Variants in KCNMA1 observed in about 807,000 individuals in gnomAD.
The protein encoded by KCNMA1 is potassium calcium-activated channel subfamily M alpha 1.
Under a neutral mutation model 140.0 loss-of-function variants are expected in KCNMA1, and 29 were observed. That is an observed-to-expected ratio of 0.21 (90% CI 0.15 to 0.28). The LOEUF is 0.28. KCNMA1 is among the 10% of genes least tolerant of loss of function. KCNMA1 has a pLI of 1.00. For synonymous variants in KCNMA1, 612 were observed against 611.9 expected (o/e 1.00, Z 0.00); for missense variants, 880 against 1,602.2 (o/e 0.55, Z 7.70).
chr10:77,618,790 T>C lies in KCNMA1; in HGVS notation c.378+18475A>G, dbSNP rs183648193. On this transcript the variant is annotated intron_variant, in intron 1 of 27. Coordinates refer to ENST00000286628, the MANE Select transcript of KCNMA1 (RefSeq NM_001161352.2). ...AGCCAGGGCAGGAATATTTATACCA[T>C]AGGAATTGACGAACACCGTACATAG... Among the ~76,000 whole-genome samples, 14 of 152,268 alleles carry C rather than the reference T, an allele frequency of 9.2e-5. No homozygotes were observed. In the East Asian group the frequency reaches 1.7e-3, roughly 19 times the overall value.
chr10:77,033,671 G>A (rs370533264), intron 15 of KCNMA1, among the ~76,000 whole-genome samples: 13 of 152,098 alleles, frequency 8.5e-5, no homozygotes, highest in East Asian at 1.9e-4. Flanking sequence ...AAGCCCAAGC[G>A]TCCACCCCAT....
intron 3 of KCNMA1, among the ~76,000 whole-genome samples, chr10:77,212,268 T>TA (rs1228808615): frequency 3.9e-5 from 6 of 152,086 alleles, no homozygotes; most frequent in Non-Finnish European, 8.8e-5. Context: ...TAAAAAGCCA[T>TA]AAAAAAGGGT....
intron 2 of KCNMA1, among the ~76,000 whole-genome samples, chr10:77,260,648 G>T (rs2061761688): frequency 6.6e-6 from 1 of 152,198 alleles, no homozygotes; most frequent in Non-Finnish European, 1.5e-5. Context: ...GGTGGAGGTT[G>T]CAGTGAGCTG....
intron 1 of KCNMA1, among the ~76,000 whole-genome samples, chr10:77,479,737 T>C (rs1269130653): frequency 5.9e-5 from 9 of 152,178 alleles, no homozygotes; most frequent in African/African-American, 2.2e-4. Flanking sequence ...CCCCGGCTGG[T>C]CATTCGTTCC....
chr10:77,053,379 C>T (rs534814961), intron 14 of KCNMA1, among the ~76,000 whole-genome samples: 1 of 152,182 alleles, frequency 6.6e-6, no homozygotes, highest in Non-Finnish European at 1.5e-5. Context: ...CTGGGAAAAA[C>T]CAGACAGATG....
intron 1 of KCNMA1, among the ~76,000 whole-genome samples, chr10:77,510,475 C>T (rs1269195338): frequency 1.3e-5 from 2 of 152,126 alleles, no homozygotes; most frequent in Non-Finnish European, 2.9e-5. Flanking sequence ...AAACATAGTC[C>T]TGTTCTCTTC....
chr10:77,001,102 A>G (rs2086280845), intron 19 of KCNMA1, among the ~76,000 whole-genome samples: 1 of 152,000 alleles, frequency 6.6e-6, no homozygotes, highest in East Asian at 1.9e-4. Flanking sequence ...AGTAGGTGAT[A>G]TGCTGTCACT....
At chr10:77,425,175 G>A (rs1370009989) in intron 1 of KCNMA1, among the ~76,000 whole-genome samples, 2 of 152,110 alleles carry the variant, frequency 1.3e-5, no homozygotes, top group East Asian at 3.9e-4. Context: ...GTATTGGCAG[G>A]CTGGTGGCAG....
chr10:77,365,599 A>G (rs1387175228), intron 2 of KCNMA1, among the ~76,000 whole-genome samples: 2 of 152,134 alleles, frequency 1.3e-5, no homozygotes, highest in Non-Finnish European at 1.5e-5. Flanking sequence ...TCCCTTCACT[A>G]TGTATCAGAA....
At chr10:77,107,735 T>A (rs1265625957) in intron 9 of KCNMA1, among the ~76,000 whole-genome samples, 1 of 152,200 alleles carries the variant, frequency 6.6e-6, no homozygotes, top group Non-Finnish European at 1.5e-5. Flanking sequence ...ACCAGAAATA[T>A]ACTATTTCTT....
intron 14 of KCNMA1, chr10:77,063,736 A>G: frequency 1.0e-5 from 10 of 985,322 alleles, no homozygotes; most frequent in Non-Finnish European, 1.2e-5. Flanking sequence ...TTCATGTAAC[A>G]ATCACTAACA....
At position 76,970,329 on chromosome 10, in the gene KCNMA1, GAA is replaced by G. The variant is rs10563488; in HGVS notation, c.2267-264_2267-263del. 0.19 allele frequency: 35,630 copies of G among 185,948 alleles called. 3,052 individuals are homozygous for G. Among genetic ancestry groups the G allele is most frequent in the East Asian group, 0.34 (2,841 of 8,366 alleles). 11.5% of individuals were successfully genotyped at this position (185,948 alleles called of 1,614,324 possible). A position where few individuals can be genotyped will look rare whatever the true frequency, so the allele number is the denominator to read the frequency against. ...ACAGTTTGTAAACACCCTGCCATAA[GAA>G]AAAAAAAAAAAAAAAAGAAATCATG... On this transcript the variant is annotated intron_variant, in intron 19 of 27. Coordinates refer to ENST00000286628, the MANE Select transcript of KCNMA1 (RefSeq NM_001161352.2).
intron 24 of KCNMA1, chr10:76,914,244 C>A: frequency 1.2e-6 from 1 of 801,928 alleles, no homozygotes; most frequent in South Asian, 1.6e-5. Context: ...TAAAGGGACC[C>A]CGGACCACAG....
chr10:77,403,453 T>A (rs549678685), intron 2 of KCNMA1, among the ~76,000 whole-genome samples: 3 of 151,664 alleles, frequency 2.0e-5, no homozygotes, highest in Non-Finnish European at 4.4e-5. Context: ...AAGAAGAACA[T>A]CCCCCGAAGA....
intron 1 of KCNMA1, among the ~76,000 whole-genome samples, chr10:77,586,682 C>T (rs1457799567): frequency 6.6e-6 from 1 of 152,086 alleles, no homozygotes; most frequent in African/African-American, 2.4e-5. Context: ...TTATTTTTCC[C>T]TCCACATAAA....
At chr10:77,393,542 C>T (rs922363096) in intron 2 of KCNMA1, among the ~76,000 whole-genome samples, 15 of 152,224 alleles carry the variant, frequency 9.9e-5, no homozygotes, top group African/African-American at 3.6e-4. Flanking sequence ...TGAAGCCACT[C>T]GCCCAGGGTA....
chr10:76,977,779 C>T (rs1364951242), intron 19 of KCNMA1: 17 of 605,248 alleles, frequency 2.8e-5, no homozygotes, highest in Admixed American at 1.1e-4. Context: ...CCTGCTGGTC[C>T]GCTCGTGTTT....
intron 3 of KCNMA1, among the ~76,000 whole-genome samples, chr10:77,219,551 G>A (rs1463224465): frequency 7.4e-6 from 1 of 134,580 alleles, no homozygotes; most frequent in Non-Finnish European, 1.7e-5. Flanking sequence ...AAAGATCAGT[G>A]TTTTAAAGTC....
chr10:77,348,349 A>G (rs1213205142), intron 2 of KCNMA1, among the ~76,000 whole-genome samples: 1 of 152,216 alleles, frequency 6.6e-6, no homozygotes, highest in Non-Finnish European at 1.5e-5. Flanking sequence ...GAAGAGAGAA[A>G]GCAAAAGTGA....
Sources: gnomAD v4.1 joint callset for allele counts (sites outside exome capture counted in the v4.1 genomes callset) on GRCh38, gnomAD v4.1.1 for gene constraint, MANE v1.5 for transcripts, NCBI Gene and HGNC (gene_info 2026-07-23, HGNC 2026-07-21) for gene names.